PIGF: variants seen among roughly 807,000 people sequenced by gnomAD.
The protein encoded by PIGF is phosphatidylinositol glycan anchor biosynthesis class F.
A neutral mutation model predicts 26.0 loss-of-function variants in PIGF; 23 were observed. The ratio of observed to expected loss-of-function variants is 0.88; its 90% CI spans 0.64 to 1.25. The LOEUF (loss-of-function observed/expected upper bound fraction) is 1.25, where lower values mean the gene tolerates loss of function less well. Among genes scored for constraint, PIGF ranks in the 50% most tolerant of loss-of-function variants. PIGF has a pLI of 0.00. For synonymous variants in PIGF, 93 were observed against 92.6 expected (o/e 1.00, Z -0.03); for missense variants, 278 against 249.9 (o/e 1.11, Z -0.76).
chr2:46,593,133 T>C (rs1480188005), intron 4 of PIGF, among the ~76,000 whole-genome samples: 8 of 138,522 alleles, frequency 5.8e-5, no homozygotes, highest in Non-Finnish European at 1.1e-4. Context: ...AACCAGTCTT[T>C]CTTTTTTTTT....
rs145169711 is a variant in PIGF at position 46,589,494 on chromosome 2, TTG to T, written c.546+2979_546+2980del. ...AACATGTAGTAGATTTTGTGGGGTTTTGTGTGTGTGTGTGCATGTGTGTGTTT... is the reference window on the plus strand; with the variant it reads ...AACATGTAGTAGATTTTGTGGGGTTTTGTGTGTGTGTGCATGTGTGTGTTT... On this transcript the variant is annotated intron_variant, in intron 5 of 5. Transcript: ENST00000281382. This position sits in a 1 kb window ranked among gnomAD's most constrained non-coding sequence, Gnocchi z 4.7. 6.6e-6 allele frequency among the ~76,000 whole-genome samples: 1 copy of T among 151,292 alleles called. No homozygotes were observed. Among genetic ancestry groups the T allele is most frequent in the Non-Finnish European group, 1.5e-5 (1 of 67,682 alleles).
intron 4 of PIGF, among the ~76,000 whole-genome samples, chr2:46,602,254 G>A (rs1670082824): frequency 1.3e-5 from 2 of 151,928 alleles, no homozygotes; most frequent in South Asian, 4.1e-4. Context: ...TTAAAATAGT[G>A]TCTTTTAGTT....
chr2:46,600,819 G>T (rs1400177964), intron 4 of PIGF, among the ~76,000 whole-genome samples: 1 of 152,034 alleles, frequency 6.6e-6, no homozygotes, highest in African/African-American at 2.4e-5. Flanking sequence ...AGAAGAGGTA[G>T]ATTATACACA....
rs1044589322 is a variant in PIGF at position 46,589,663 on chromosome 2, T to G, written c.546+2812A>C. On this transcript the variant is annotated intron_variant, in intron 5 of 5. Coordinates refer to ENST00000281382, the MANE Select transcript of PIGF (RefSeq NM_002643.4). The surrounding 1 kb of genome is among the most constrained non-coding windows in gnomAD (Gnocchi z 4.7). ...CTACAAGGAACACAGAACAAGAATC[T>G]CTTAATACATGTTCTATTTTAGATA... Among the ~76,000 whole-genome samples, 1 of 151,954 alleles carries G rather than the reference T, an allele frequency of 6.6e-6. No individual in the cohort carries two copies. Among genetic ancestry groups the G allele is most frequent in the Non-Finnish European group, 1.5e-5 (1 of 67,920 alleles).
rs1669640577 is a variant in PIGF at position 46,588,328 on chromosome 2, A to C, written c.546+4147T>G. ...AAAAATAAAACAACAAACTGAGACA[A>C]TTAACATATTCTCTAATATATGAGA... On this transcript the variant is annotated intron_variant, in intron 5 of 5. Transcript: ENST00000281382. This position sits in a 1 kb window ranked among gnomAD's most constrained non-coding sequence, Gnocchi z 4.1. 3.9e-6 allele frequency: 4 copies of C among 1,015,258 alleles called. No individual in the cohort carries two copies. The highest frequency in any genetic ancestry group is 1.6e-5 in the African/African-American group (1 of 60,776). 62.9% of individuals were successfully genotyped at this position (1,015,258 alleles called of 1,614,324 possible). A position where few individuals can be genotyped will look rare whatever the true frequency, so the allele number is the denominator to read the frequency against.
chr2:46,613,871 T>C, intron 2 of PIGF, 86 bp from the exon 3 acceptor site: 2 of 1,138,244 alleles, frequency 1.8e-6, no homozygotes, highest in Non-Finnish European at 2.5e-6. Flanking sequence ...ACACAACTTG[T>C]TCCCATAATG....
chr2:46,597,935 A>G (rs1482688497), intron 4 of PIGF, among the ~76,000 whole-genome samples: 1 of 152,206 alleles, frequency 6.6e-6, no homozygotes, highest in Non-Finnish European at 1.5e-5. Context: ...TTCTTAATCT[A>G]AAATCTCAGG....
intron 4 of PIGF, among the ~76,000 whole-genome samples, chr2:46,602,141 A>C (rs184385786): frequency 1.3e-3 from 192 of 152,114 alleles, no homozygotes; most frequent in Non-Finnish European, 1.6e-3. Flanking sequence ...AGAATATTTT[A>C]AGAAACCAAA....
chr2:46,601,626 C>G (rs1670057283), intron 4 of PIGF, among the ~76,000 whole-genome samples: 1 of 152,062 alleles, frequency 6.6e-6, no homozygotes. Context: ...AATATTAAAA[C>G]AAATGCCTCT....
intron 4 of PIGF, among the ~76,000 whole-genome samples, chr2:46,594,130 T>C (rs746746973): frequency 6.6e-6 from 1 of 152,238 alleles, no homozygotes; most frequent in African/African-American, 2.4e-5. Flanking sequence ...TGTTCCAATG[T>C]TGGAAGGAAA....
intron 1 of PIGF, chr2:46,615,899 C>T (rs1572790538): frequency 6.6e-6 from 1 of 152,144 alleles, no homozygotes; most frequent in East Asian, 1.9e-4. Flanking sequence ...CTCTAAAATA[C>T]ACGTATTTAA....
intron 4 of PIGF, among the ~76,000 whole-genome samples, chr2:46,597,465 T>G (rs1375632461): frequency 6.6e-6 from 1 of 151,778 alleles, no homozygotes; most frequent in East Asian, 1.9e-4. Flanking sequence ...CAGGCTGGAG[T>G]GCAGTGGCAC....
intron 5 of PIGF, among the ~76,000 whole-genome samples, chr2:46,586,930 G>C (rs746554122): frequency 1.6e-4 from 24 of 152,202 alleles, no homozygotes; most frequent in Admixed American, 6.5e-5. Context: ...AGTTATTTGC[G>C]AAGGGGTGTG....
chr2:46,607,659 T>C (rs1670267276), intron 4 of PIGF, among the ~76,000 whole-genome samples: 1 of 152,130 alleles, frequency 6.6e-6, no homozygotes, highest in Admixed American at 6.5e-5. Flanking sequence ...GGCTGCTGAC[T>C]GATCAGGGTG....
At chr2:46,586,871 C>T (rs1354497389) in intron 5 of PIGF, among the ~76,000 whole-genome samples, 1 of 152,218 alleles carries the variant, frequency 6.6e-6, no homozygotes, top group East Asian at 1.9e-4. Flanking sequence ...AAAATCTACA[C>T]TCATCCATGT....
chr2:46,592,588 G>C lies in PIGF; in HGVS notation c.438-5C>G. On this transcript the variant is annotated splice_polypyrimidine_tract_variant and splice_region_variant and intron_variant, in intron 4 of 5. Transcript: ENST00000281382. The stretch of plus-strand genomic sequence containing the variant: ...TTCTCCCATATGGATGTAACTCTGT[G>C]AAACACAAATTGGTACATCGTTGGT... The C allele has an allele frequency of 2.0e-6, 3 of 1,471,526 alleles. No homozygotes were observed. The highest frequency in any genetic ancestry group is 2.9e-6 in the Non-Finnish European group (3 of 1,049,860). 91.2% of individuals were successfully genotyped at this position (1,471,526 alleles called of 1,614,324 possible). A position where few individuals can be genotyped will look rare whatever the true frequency, so the allele number is the denominator to read the frequency against.
chr2:46,594,416 G>C (rs1669816974), intron 4 of PIGF, among the ~76,000 whole-genome samples: 1 of 146,238 alleles, frequency 6.8e-6, no homozygotes, highest in Non-Finnish European at 1.5e-5. Flanking sequence ...GGTAGCATCA[G>C]GTCTTAAACT....
At chr2:46,613,945 T>A (rs1278769484) in intron 2 of PIGF, 160 bp from the exon 3 acceptor site, 1 of 605,916 alleles carries the variant, frequency 1.7e-6, no homozygotes, top group African/African-American at 1.9e-5. Flanking sequence ...TACCGTCACA[T>A]ACACAGCCTT....
chr2:46,603,612 C>G (rs1055964623), intron 4 of PIGF, among the ~76,000 whole-genome samples: 1 of 151,962 alleles, frequency 6.6e-6, no homozygotes, highest in Non-Finnish European at 1.5e-5. Flanking sequence ...GGGGAAAGAG[C>G]AGTCTCTTCC....
Sources: allele counts gnomAD v4.1 joint callset (sites outside exome capture counted in the v4.1 genomes callset), GRCh38; gene constraint gnomAD v4.1.1; non-coding constraint Gnocchi (gnomAD v3.1); transcripts MANE v1.5; gene names NCBI Gene and HGNC (gene_info 2026-07-23, HGNC 2026-07-21).